Variants in PCDHA2 observed in about 807,000 individuals in gnomAD.
The protein encoded by PCDHA2 is protocadherin alpha 2.
Under a neutral mutation model 66.0 loss-of-function variants are expected in PCDHA2, and 58 were observed. The observed-to-expected ratio is 0.88, with a 90% CI of 0.71 to 1.09. PCDHA2 has a LOEUF of 1.09. PCDHA2 is among the 50% of genes least tolerant of loss of function. The pLI is 0.00. For missense variants in PCDHA2, 1,267 were observed against 1,242.3 expected, an observed-to-expected ratio of 1.02 and a Z score of -0.30; for synonymous variants, 634 against 554.0, an observed-to-expected ratio of 1.14 and a Z score of -2.03.
intron 1 of PCDHA2, among the ~76,000 whole-genome samples, chr5:140,837,757 A>G (rs1220991667): frequency 6.6e-6 from 1 of 151,692 alleles, no homozygotes; most frequent in Non-Finnish European, 1.5e-5. Flanking sequence ...GCCCACTGCA[A>G]CCTGAAAGTC....
At chr5:140,958,587 A>G (rs530889375) in intron 1 of PCDHA2, among the ~76,000 whole-genome samples, 36 of 152,292 alleles carry the variant, frequency 2.4e-4, no homozygotes, top group African/African-American at 8.2e-4. Context: ...AAATGAGCTT[A>G]TGATAATTGG....
chr5:140,866,357 A>G (rs1397788324), intron 1 of PCDHA2: 1 of 152,156 alleles, frequency 6.6e-6, no homozygotes, highest in Non-Finnish European at 1.5e-5. Flanking sequence ...AATGTTTACA[A>G]TATTGCATAC....
chr5:140,876,977 A>C (rs782413550), intron 1 of PCDHA2: 12 of 1,612,554 alleles, frequency 7.4e-6, no homozygotes, highest in Non-Finnish European at 1.0e-5. Context: ...GTGGGCGAGC[A>C]CGCACTGTCG....
At chr5:140,966,539 T>C in intron 1 of PCDHA2, 1 of 462,182 alleles carries the variant, frequency 2.2e-6, no homozygotes, top group South Asian at 5.8e-5. Flanking sequence ...GTTGAGCGAC[T>C]CGGAGGCGAG....
At position 140,832,752 on chromosome 5, in the gene PCDHA2, A is replaced by T. The variant is rs2150203756; in HGVS notation, c.2388+35400A>T. Among the ~76,000 whole-genome samples the T allele has an allele frequency of 2.0e-5, 3 of 152,322 alleles. No individual in the cohort carries two copies. In the East Asian group the frequency reaches 5.8e-4, roughly 29 times the overall value. ...ATCCTACATAAATACGATGATAGTA[A>T]AAGCAAGAATATTGTAAGAGGTGCT... is the stretch of plus-strand genomic sequence containing the variant. On this transcript the variant is annotated intron_variant, in intron 1 of 3. Coordinates refer to ENST00000526136, the MANE Select transcript of PCDHA2 (RefSeq NM_018905.3).
At chr5:140,926,255 G>T (rs562420240) in intron 1 of PCDHA2, 1 of 152,224 alleles carries the variant, frequency 6.6e-6, no homozygotes, top group African/African-American at 2.4e-5. Flanking sequence ...TCACCGTCCC[G>T]CCTCTCGCCG....
At chr5:140,949,222 G>T (rs1472220330) in intron 1 of PCDHA2, among the ~76,000 whole-genome samples, 1 of 151,662 alleles carries the variant, frequency 6.6e-6, no homozygotes, top group Non-Finnish European at 1.5e-5. Flanking sequence ...GTTTAGACTT[G>T]TTCTGTGGCC....
chr5:140,924,887 C>A (rs528979895), intron 1 of PCDHA2, among the ~76,000 whole-genome samples: 1 of 126,448 alleles, frequency 7.9e-6, no homozygotes, highest in African/African-American at 3.2e-5. Flanking sequence ...AGAGCAAGAA[C>A]CTGTCTCAAA....
chr5:140,957,778 A>G (rs1554223119), intron 1 of PCDHA2, among the ~76,000 whole-genome samples: 4 of 152,122 alleles, frequency 2.6e-5, no homozygotes, highest in African/African-American at 9.7e-5. Context: ...AGTAAAAACT[A>G]AGTTCATCAT....
intron 1 of PCDHA2, chr5:140,854,524 C>T (rs1220385144): frequency 6.7e-6 from 1 of 149,864 alleles, no homozygotes; most frequent in Non-Finnish European, 1.5e-5. Flanking sequence ...TTAAGTGACA[C>T]CCATTTCTGT....
At chr5:140,876,555 G>A (rs782622293) in intron 1 of PCDHA2, 18 of 1,614,072 alleles carry the variant, frequency 1.1e-5, no homozygotes, top group Admixed American at 3.3e-5. Flanking sequence ...CTGTGCAAGA[G>A]GATGCTCAGG....
chr5:141,000,405 A>C lies in PCDHA2; in HGVS notation c.2537-9222A>C, dbSNP rs1290838400. Among the ~76,000 whole-genome samples the C allele has an allele frequency of 7.9e-5, 7 of 88,832 alleles. No individual in the cohort carries two copies. In the East Asian group the frequency reaches 9.8e-4, roughly 12 times the overall value. The allele number at this position is 88,832 out of a possible 152,430, so 58.3% of individuals were successfully genotyped here. On this transcript the variant is annotated intron_variant, in intron 3 of 3. Transcript: ENST00000526136. ...TCTCTCTCTCTCTCTCTATATATAT[A>C]TATATATATATATATATTTTTTTTT...
intron 1 of PCDHA2, chr5:140,862,433 G>C (rs781821294): frequency 2.8e-6 from 1 of 354,766 alleles, no homozygotes; most frequent in African/African-American, 2.1e-5. Context: ...GAAACTATTC[G>C]TTGGTACTCC....
chr5:140,899,050 G>A (rs1554188361), intron 1 of PCDHA2, among the ~76,000 whole-genome samples: 2 of 152,016 alleles, frequency 1.3e-5, no homozygotes, highest in African/African-American at 4.8e-5. Context: ...TGTATCCTGA[G>A]ACTTTGCTGA....
At chr5:140,882,854 C>G in intron 1 of PCDHA2, 2 of 1,614,196 alleles carry the variant, frequency 1.2e-6, no homozygotes, top group Non-Finnish European at 1.7e-6. Flanking sequence ...ATCACTTGTA[C>G]TGAGGAAAAC....
chr5:140,856,897 G>C, intron 1 of PCDHA2: 1 of 1,596,350 alleles, frequency 6.3e-7, no homozygotes, highest in Non-Finnish European at 8.6e-7. Flanking sequence ...TTAGCTCTTT[G>C]GTCCCACCCA....
chr5:140,856,835 C>T, intron 1 of PCDHA2: 2 of 1,591,090 alleles, frequency 1.3e-6, no homozygotes, highest in Non-Finnish European at 1.7e-6. Flanking sequence ...AGTAATACGG[C>T]TCAACGCTTC....
intron 1 of PCDHA2, among the ~76,000 whole-genome samples, chr5:140,964,683 G>T (rs2095848322): frequency 6.6e-6 from 1 of 151,914 alleles, no homozygotes; most frequent in South Asian, 2.1e-4. Flanking sequence ...CACAATTTGT[G>T]CACTTGAGAG....
chr5:140,868,999 T>A (rs976594778), intron 1 of PCDHA2: 72 of 1,518,578 alleles, frequency 4.7e-5, no homozygotes, highest in African/African-American at 4.5e-4. Flanking sequence ...CGTTTAAGGA[T>A]CCTTTGAAAC....
Sources: allele counts gnomAD v4.1 joint callset (sites outside exome capture counted in the v4.1 genomes callset), GRCh38; gene constraint gnomAD v4.1.1; transcripts MANE v1.5; gene names NCBI Gene and HGNC (gene_info 2026-07-23, HGNC 2026-07-21).